FNDC1: variants seen among roughly 807,000 people sequenced by gnomAD.
The protein encoded by FNDC1 is fibronectin type III domain-containing protein 1.
Under a neutral mutation model 168.0 loss-of-function variants are expected in FNDC1, and 96 were observed. That is an observed-to-expected ratio of 0.57 (90% CI 0.48 to 0.68). The LOEUF (loss-of-function observed/expected upper bound fraction) is 0.68. Among genes scored for constraint, FNDC1 ranks in the 30% least tolerant of loss-of-function variants. The pLI is 0.00. For synonymous variants in FNDC1, 1,099 were observed against 1,025.9 expected (o/e 1.07, Z -1.36); for missense variants, 2,587 against 2,482.1 (o/e 1.04, Z -0.90).
chr6:159,190,739 T>A (rs1782118602), intron 1 of FNDC1, among the ~76,000 whole-genome samples: 1 of 152,260 alleles, frequency 6.6e-6, no homozygotes, highest in South Asian at 2.1e-4. Context: ...ATGTTCATCA[T>A]GAGCACTTTT....
intron 1 of FNDC1, among the ~76,000 whole-genome samples, chr6:159,176,500 G>T (rs1781764396): frequency 6.6e-6 from 1 of 152,188 alleles, no homozygotes; most frequent in Non-Finnish European, 1.5e-5. Context: ...AAGGACATAG[G>T]CATTAGTTGG....
chr6:159,184,024 A>C (rs1781940805), intron 1 of FNDC1, among the ~76,000 whole-genome samples: 1 of 152,264 alleles, frequency 6.6e-6, no homozygotes, highest in Non-Finnish European at 1.5e-5. Context: ...CATGGTCCAT[A>C]GTTTCAGATG....
intron 1 of FNDC1, among the ~76,000 whole-genome samples, chr6:159,174,902 C>T (rs963430389): frequency 2.6e-5 from 4 of 152,166 alleles, no homozygotes; most frequent in African/African-American, 7.2e-5. Flanking sequence ...CTCAGCCTCT[C>T]CCTTCCACCA....
Position 159,229,872 on chromosome 6 carries a change from A to G in FNDC1, c.1238A>G (p.Tyr413Cys). 1 of 1,613,862 alleles carries G rather than the reference A, an allele frequency of 6.2e-7. No individual in the cohort carries two copies. Among genetic ancestry groups the G allele is most frequent in the Non-Finnish European group, 8.5e-7 (1 of 1,179,838 alleles). Residue 413 changes from tyrosine to cysteine, a missense_variant, in exon 10 of 23, where the codon TAT becomes TGT. Coordinates refer to ENST00000297267, the MANE Select transcript of FNDC1 (RefSeq NM_032532.3). The stretch of plus-strand genomic sequence containing the variant: ...CCATTTGGAGCAAAGTCCCTCACCT[A>G]TCCTGGAGACACTACTTCTGCCCTG... ...LKPFGAKSLT[Y>C]PGDTTSALVD... is the part of the protein sequence containing the mutation.
At chr6:159,199,836 A>G (rs1782333859) in intron 2 of FNDC1, among the ~76,000 whole-genome samples, 160 bp from the exon 3 acceptor site, 1 of 152,208 alleles carries the variant, frequency 6.6e-6, no homozygotes, top group African/African-American at 2.4e-5. Flanking sequence ...ATTTTAATTT[A>G]AAAAAAGAGA....
Position 159,239,815 on chromosome 6 carries a change from C to T in FNDC1, c.4479C>T (p.Thr1493=). 1.9e-6 allele frequency: 3 copies of T among 1,546,672 alleles called. No homozygotes were observed. Among genetic ancestry groups the T allele is most frequent in the South Asian group, 1.2e-5 (1 of 83,802 alleles). The change falls in exon 14 of 23, where the codon ACC becomes ACT. Residue 1493 remains threonine (T), a synonymous_variant. Transcript: ENST00000297267. ...TTRRPTTTVR[T]TTRTTTTTTP... ...GGCGTCCAACAACCACAGTCCGAACCACTACGCGGACAACCACCACCACCA... is the reference window on the plus strand; with the variant it reads ...GGCGTCCAACAACCACAGTCCGAACTACTACGCGGACAACCACCACCACCA...
rs527604476 is a variant in FNDC1 at position 159,234,332 on chromosome 6, G to T, written c.3820G>T (p.Gly1274Cys). The T allele has an allele frequency of 1.2e-6, 2 of 1,610,692 alleles. No homozygotes were observed. The highest frequency in any genetic ancestry group is 2.7e-5 in the African/African-American group (2 of 74,910). Reference sequence around the variant, plus strand: ...CGCTGCCACCGTGAGCCCCGTCGCGGGCACCCACCCCTGGCCGCAGTACAC... The same window carrying T: ...CGCTGCCACCGTGAGCCCCGTCGCGTGCACCCACCCCTGGCCGCAGTACAC... ...RSAATVSPVA[G>C]THPWPQYTTR... The change falls in exon 11 of 23, where the codon GGC becomes TGC. Residue 1274 changes from glycine to cysteine, a missense_variant. By Grantham distance (159) the Gly-to-Cys change is radical. Transcript: ENST00000297267.
At position 159,246,948 on chromosome 6, in the gene FNDC1, G is replaced by A. The variant is rs372682356; in HGVS notation, c.4669G>A (p.Ala1557Thr). The A allele has an allele frequency of 2.5e-6, 4 of 1,612,142 alleles. No individual in the cohort carries two copies. The African/African-American group carries it at 4.0e-5, about 16-fold the overall frequency. ...TGACACTGCAGTACCTACGGAAGAGGCCTACGTTATATATGATGAAGGTAC... is the reference window on the plus strand; with the variant it reads ...TGACACTGCAGTACCTACGGAAGAGACCTACGTTATATATGATGAAGGTAC... The part of the protein sequence containing the change: ...ETDTAVPTEE[A>T]YVIYDEDYEF... Residue 1557 changes from alanine (A) to threonine (T), a missense_variant, in exon 15 of 23, where the codon GCC becomes ACC. By Grantham distance (58) the Ala-to-Thr change is moderately conservative. Coordinates refer to ENST00000297267, the MANE Select transcript of FNDC1 (RefSeq NM_032532.3).
chr6:159,219,959 T>G (rs1457326232), intron 5 of FNDC1, among the ~76,000 whole-genome samples: 1 of 152,208 alleles, frequency 6.6e-6, no homozygotes, highest in African/African-American at 2.4e-5. Flanking sequence ...CTGAAGTGAC[T>G]CCTCCATATA....
rs576974613 is a variant in FNDC1, at chr6:159,239,180, C to T, written c.4181-337C>T. Among the ~76,000 whole-genome samples, 14 of 152,222 alleles carry T rather than the reference C, an allele frequency of 9.2e-5. No homozygotes were observed. The South Asian group carries it at 2.5e-3, about 27-fold the overall frequency. ...TATCTTCTTTTTTGCACTCTAAAAG[C>T]GGATTGAGTAGCTGCAATAGAGACC... On this transcript the variant is annotated intron_variant, in intron 13 of 22. Coordinates refer to ENST00000297267, the MANE Select transcript of FNDC1 (RefSeq NM_032532.3).
chr6:159,172,816 A>G (rs75057698), intron 1 of FNDC1, among the ~76,000 whole-genome samples: 1 of 152,214 alleles, frequency 6.6e-6, no homozygotes, highest in East Asian at 1.9e-4. Flanking sequence ...GGCTATTGAA[A>G]TAGTTGTCCA....
intron 16 of FNDC1, among the ~76,000 whole-genome samples, chr6:159,249,535 G>A (rs294905): frequency 0.63 from 96,198 of 152,052 alleles, 31,951 homozygotes; most frequent in Middle Eastern, 0.74. Flanking sequence ...GGCCTTGTGT[G>A]TGTACTGTCT....
intron 18 of FNDC1, among the ~76,000 whole-genome samples, chr6:159,258,939 A>G (rs569580103): frequency 6.6e-6 from 1 of 152,358 alleles, no homozygotes; most frequent in Non-Finnish European, 1.5e-5. Flanking sequence ...GGGCCAGGGC[A>G]TAAAAGTGAG....
At chr6:159,179,647 A>G (rs1781840135) in intron 1 of FNDC1, among the ~76,000 whole-genome samples, 1 of 152,176 alleles carries the variant, frequency 6.6e-6, no homozygotes, top group East Asian at 1.9e-4. Context: ...CCGGCATTTC[A>G]TATATTTTAC....
chr6:159,187,224 G>A (rs536776340), intron 1 of FNDC1, among the ~76,000 whole-genome samples: 1 of 152,282 alleles, frequency 6.6e-6, no homozygotes, highest in South Asian at 2.1e-4. Flanking sequence ...AGTTTCATGG[G>A]GAAATGGATT....
intron 1 of FNDC1, among the ~76,000 whole-genome samples, chr6:159,179,456 C>T (rs1239215525): frequency 6.6e-6 from 1 of 152,170 alleles, no homozygotes; most frequent in Non-Finnish European, 1.5e-5. Context: ...AAGACTCTGT[C>T]TCAAACAAAA....
intron 4 of FNDC1, among the ~76,000 whole-genome samples, chr6:159,206,178 T>A (rs1782483832): frequency 6.6e-6 from 1 of 152,256 alleles, no homozygotes; most frequent in Non-Finnish European, 1.5e-5. Context: ...GCAGTGGAGC[T>A]GCTGTGCACC....
At chr6:159,209,254 G>C (rs554894) in intron 4 of FNDC1, among the ~76,000 whole-genome samples, 20,899 of 152,222 alleles carry the variant, frequency 0.14, 1,697 homozygotes, top group East Asian at 0.38. Context: ...CACGCTCCAG[G>C]CTTCTGGGCT....
At chr6:159,257,137 C>A (rs752125020) in intron 18 of FNDC1, among the ~76,000 whole-genome samples, 51 of 152,290 alleles carry the variant, frequency 3.3e-4, no homozygotes, top group Non-Finnish European at 6.2e-4. Flanking sequence ...ATTTTGGAAG[C>A]CAGAGTTTAT....
Sources: gnomAD v4.1 joint callset for allele counts (sites outside exome capture counted in the v4.1 genomes callset) on GRCh38, gnomAD v4.1.1 for gene constraint, MANE v1.5 for transcripts, NCBI Gene and HGNC (gene_info 2026-07-23, HGNC 2026-07-21) for gene names.